ECI2: variants seen among roughly 807,000 people sequenced by gnomAD.
ECI2 encodes the protein enoyl-CoA delta isomerase 2, also known as D3,D2-enoyl-CoA isomerase.
ECI2 carries 27 observed loss-of-function variants against 38.4 expected under a neutral mutation model. That is an observed-to-expected ratio of 0.70 (90% CI 0.52 to 0.97). ECI2 has a LOEUF of 0.97. ECI2 is among the 50% of genes least tolerant of loss of function. ECI2 has a pLI of 0.00. For synonymous variants in ECI2, 168 were observed against 172.0 expected (o/e 0.98, Z 0.18); for missense variants, 470 against 474.4 (o/e 0.99, Z 0.09).
intron 7 of ECI2, among the ~76,000 whole-genome samples, chr6:4,121,422 T>C (rs1326543865): frequency 6.6e-6 from 1 of 152,232 alleles, no homozygotes; most frequent in African/African-American, 2.4e-5. Flanking sequence ...TCTCAGTGGT[T>C]TCTCTCATAT....
chr6:4,118,998 C>A, intron 8 of ECI2, 188 bp downstream of exon 8: 1 of 497,038 alleles, frequency 2.0e-6, no homozygotes, highest in Non-Finnish European at 3.5e-6. Context: ...TCTAATTTTC[C>A]TGCATAGCAG....
chr6:4,125,146 AAAC>A, intron 7 of ECI2, 101 bp downstream of exon 7: 1 of 1,527,284 alleles, frequency 6.5e-7, no homozygotes, highest in South Asian at 1.2e-5. Flanking sequence ...ATTCTACCAC[AAAC>A]AACATGTAAC....
At chr6:4,135,032 C>G in intron 1 of ECI2, 1 of 431,698 alleles carries the variant, frequency 2.3e-6, no homozygotes, top group South Asian at 1.6e-5. Flanking sequence ...TTACTCTGTA[C>G]CCGGCCATTT....
At chr6:4,119,375 A>G in intron 7 of ECI2, 100 bp from the exon 8 acceptor site, 1 of 870,196 alleles carries the variant, frequency 1.1e-6, no homozygotes, top group South Asian at 1.6e-5. Context: ...GGCTGCAGTG[A>G]AGTGGCGCGA....
rs747235700 is a variant in ECI2 at position 4,135,541 on chromosome 6, G to A, written c.20C>T (p.Ala7Val). Residue 7 changes from alanine to valine, a missense_variant, in exon 1 of 10, where the codon GCT becomes GTT. Coordinates refer to ENST00000380118, the MANE Select transcript of ECI2 (RefSeq NM_206836.3). MAMAYL[A>V]WRLARRSCPS... ...ACACGAACGCCGCGCCAGTCTCCAAGCCAAGTACGCCATCGCCATCCCTTG... is the reference window on the plus strand; with the variant it reads ...ACACGAACGCCGCGCCAGTCTCCAAACCAAGTACGCCATCGCCATCCCTTG... 3 of 1,473,780 alleles carry A rather than the reference G, an allele frequency of 2.0e-6. No individual in the cohort carries two copies. Among genetic ancestry groups the A allele is most frequent in the Non-Finnish European group, 2.7e-6 (3 of 1,093,674 alleles). 91.3% of individuals were successfully genotyped at this position (1,473,780 alleles called of 1,614,324 possible).
chr6:4,132,275 T>C (rs962426440), intron 2 of ECI2, among the ~76,000 whole-genome samples: 4 of 151,978 alleles, frequency 2.6e-5, no homozygotes, highest in African/African-American at 9.7e-5. Context: ...TCTACCAGAA[T>C]TGATGTGACA....
chr6:4,120,407 C>T (rs547436051), intron 7 of ECI2, among the ~76,000 whole-genome samples: 2 of 152,144 alleles, frequency 1.3e-5, no homozygotes, highest in Admixed American at 6.5e-5. Flanking sequence ...TAACAAATGG[C>T]ATTTGTGTAT....
At chr6:4,130,661 T>C in intron 3 of ECI2, 101 bp from the exon 4 acceptor site, 4 of 1,598,600 alleles carry the variant, frequency 2.5e-6, no homozygotes, top group Non-Finnish European at 2.6e-6. Context: ...GAAGAAAGAA[T>C]AGAAGCACAT....
intron 7 of ECI2, among the ~76,000 whole-genome samples, chr6:4,124,190 G>C (rs1772994832): frequency 6.6e-6 from 1 of 152,138 alleles, no homozygotes; most frequent in Non-Finnish European, 1.5e-5. Flanking sequence ...CCTTTGAACA[G>C]AAACCTCTAC....
At chr6:4,122,812 G>A (rs115720523) in intron 7 of ECI2, among the ~76,000 whole-genome samples, 9,560 of 152,176 alleles carry the variant, frequency 0.063, 665 homozygotes, top group East Asian at 0.34. Context: ...TTCTTTCATC[G>A]GGCTACTCTG....
chr6:4,131,999 G>C lies in ECI2; in HGVS notation c.214-1134C>G, dbSNP rs929920683. On this transcript the variant is annotated intron_variant, in intron 2 of 9. Coordinates refer to ENST00000380118, the MANE Select transcript of ECI2 (RefSeq NM_206836.3). ...AGAGGGAACACAGTCCACAGGATAAGGGCTTGCCTTTGTCTCCTGACTGTC... is the reference window on the plus strand; with the variant it reads ...AGAGGGAACACAGTCCACAGGATAACGGCTTGCCTTTGTCTCCTGACTGTC... Among the ~76,000 whole-genome samples the C allele has an allele frequency of 5.3e-5, 8 of 152,168 alleles. No individual in the cohort carries two copies. The East Asian group carries it at 1.3e-3, about 26-fold the overall frequency.
At chr6:4,123,732 C>T (rs1315477675) in intron 7 of ECI2, among the ~76,000 whole-genome samples, 1 of 151,782 alleles carries the variant, frequency 6.6e-6, no homozygotes, top group Non-Finnish European at 1.5e-5. Flanking sequence ...TTCAGGAGGC[C>T]AACGCAGGCG....
chr6:4,135,260 G>T, intron 1 of ECI2: 1 of 1,144,280 alleles, frequency 8.7e-7, no homozygotes, highest in Non-Finnish European at 1.2e-6. Context: ...GAGACCTTGG[G>T]GACTGCTGAC....
At position 4,117,373 on chromosome 6, in the gene ECI2, G is replaced by A. The variant is rs35202579; in HGVS notation, c.964C>T (p.Pro322Ser). ...CAQGLVTEVFPDSTFQKEVWT... is the reference protein window; with the variant it reads ...CAQGLVTEVFSDSTFQKEVWT... ...ACTTCTTTCTGAAAAGTGCTATCAG[G>A]GAAAACTTCAGTAACAAGTCCTTGA... Residue 322 changes from proline to serine, a missense_variant, in exon 9 of 10, where the codon CCT becomes TCT. Coordinates refer to ENST00000380118, the MANE Select transcript of ECI2 (RefSeq NM_206836.3). The A allele has an allele frequency of 2.4e-3, 3,950 of 1,613,778 alleles. 86 individuals are homozygous for A. The African/African-American group carries it at 0.048, about 19-fold the overall frequency.
chr6:4,135,465 A>G, intron 1 of ECI2, 46 bp downstream of exon 1: 1 of 1,610,958 alleles, frequency 6.2e-7, no homozygotes, highest in Non-Finnish European at 8.5e-7. Flanking sequence ...GGACAGCGGT[A>G]TCCTGCGGGC....
At chr6:4,121,999 G>A (rs371847819) in intron 7 of ECI2, 1 of 1,607,208 alleles carries the variant, frequency 6.2e-7, no homozygotes, top group Non-Finnish European at 8.5e-7. Flanking sequence ...AGGAATACAA[G>A]CAGGAAACTG....
chr6:4,115,991 C>T lies in ECI2; in HGVS notation c.1068G>A (p.Glu356=). The change falls in exon 10 of 10, where the codon GAG becomes GAA. Residue 356 remains glutamate, a synonymous_variant. Coordinates refer to ENST00000380118, the MANE Select transcript of ECI2 (RefSeq NM_206836.3). ...RISKEVIRKR[E]REKLHAVNAE... ...CATTAACAGCGTGTAGTTTTTCTCT[C>T]TCTCTTTTCCTGATTACCTCTTTTG... The T allele has an allele frequency of 6.2e-7, 1 of 1,613,898 alleles. No homozygotes were observed.
At chr6:4,119,110 A>C in intron 8 of ECI2, 76 bp downstream of exon 8, 1 of 1,179,090 alleles carries the variant, frequency 8.5e-7, no homozygotes. Context: ...GAAAGAAGGG[A>C]GAGTATATGA....
chr6:4,135,128 A>G, intron 1 of ECI2: 1 of 511,848 alleles, frequency 2.0e-6, no homozygotes, highest in Non-Finnish European at 3.8e-6. Flanking sequence ...GCTTTTAGCA[A>G]GCGACGCTTT....
Sources: gnomAD v4.1 joint callset for allele counts (sites outside exome capture counted in the v4.1 genomes callset) on GRCh38, gnomAD v4.1.1 for gene constraint, MANE v1.5 for transcripts, NCBI Gene and HGNC (gene_info 2026-07-23, HGNC 2026-07-21) for gene names.